The following RBFOX1 variants were observed in gnomAD, a reference collection of about 807,000 sequenced individuals.
RBFOX1 encodes RNA binding fox-1 homolog 1, also known as RNA binding protein fox-1 homolog 1.
RBFOX1 carries 8 observed loss-of-function variants against 57.7 expected under a neutral mutation model. That is an observed-to-expected ratio of 0.14 (90% CI 0.08 to 0.25). The LOEUF (loss-of-function observed/expected upper bound fraction) is 0.25. Ranked by LOEUF, RBFOX1 falls within the 10% of genes least tolerant of loss-of-function variation. The pLI is 1.00. For missense variants in RBFOX1, 611 were observed against 548.5 expected (o/e 1.11, Z -1.14); for synonymous variants, 326 against 222.4 (o/e 1.47, Z -4.15).
chr16:5,559,025 G>A (rs1333796507), intron 2 of RBFOX1, among the ~76,000 whole-genome samples: 1 of 152,090 alleles, frequency 6.6e-6, no homozygotes, highest in Admixed American at 6.6e-5. Context: ...TGAAACCATA[G>A]CAGTTATGCT....
At chr16:6,884,291 G>A (rs1343355094) in intron 3 of RBFOX1, among the ~76,000 whole-genome samples, 1 of 152,156 alleles carries the variant, frequency 6.6e-6, no homozygotes, top group Non-Finnish European at 1.5e-5. Context: ...TGGGTACTGT[G>A]AAGCAACTGC....
chr16:6,463,529 G>T (rs1200691696), intron 2 of RBFOX1, among the ~76,000 whole-genome samples: 1 of 152,090 alleles, frequency 6.6e-6, no homozygotes, highest in Non-Finnish European at 1.5e-5. Context: ...GGGGGTCGGG[G>T]CGGAGTGTAA....
At chr16:7,485,037 G>A (rs982135091) in intron 4 of RBFOX1, among the ~76,000 whole-genome samples, 2 of 146,884 alleles carry the variant, frequency 1.4e-5, no homozygotes, top group African/African-American at 5.1e-5. Flanking sequence ...TTGTATGCAG[G>A]GTTACGTTCC....
At chr16:7,076,061 C>T (rs1211924756) in intron 4 of RBFOX1, among the ~76,000 whole-genome samples, 104 of 121,676 alleles carry the variant, frequency 8.5e-4, no homozygotes, top group African/African-American at 2.3e-3. Flanking sequence ...CTTTTTTTTT[C>T]GAGACGAGTC....
chr16:7,646,464 T>G (rs1389969663), intron 11 of RBFOX1, among the ~76,000 whole-genome samples: 1 of 152,170 alleles, frequency 6.6e-6, no homozygotes, highest in Non-Finnish European at 1.5e-5. Context: ...TCACCCCAAA[T>G]TTGCATGAAT....
At position 6,780,324 on chromosome 16, in the gene RBFOX1, T is replaced by TTATAC. The variant is rs1567215980; in HGVS notation, c.-16+125674_-16+125675insTATAC. 5.0e-3 allele frequency among the ~76,000 whole-genome samples: 395 copies of TTATAC among 79,690 alleles called. 55 individuals carry two copies. Among genetic ancestry groups the TTATAC allele is most frequent in the African/African-American group, 0.022 (368 of 16,750 alleles). The allele number at this position is 79,690 out of a possible 152,430, so 52.3% of individuals were successfully genotyped here. A position where few individuals can be genotyped will look rare whatever the true frequency, so the allele number is the denominator to read the frequency against. On this transcript the variant is annotated intron_variant, in intron 3 of 15. Transcript: ENST00000550418. ...ATACATATATATATTTATTCATATT[T>TTATAC]ATATATATTTATACATATTTATATA...
chr16:7,147,923 A>G (rs1342867460), intron 4 of RBFOX1, among the ~76,000 whole-genome samples: 1 of 152,208 alleles, frequency 6.6e-6, no homozygotes, highest in East Asian at 1.9e-4. Flanking sequence ...GAACTAATTT[A>G]CATTCTCACC....
intron 3 of RBFOX1, among the ~76,000 whole-genome samples, chr16:6,697,968 G>T (rs188800268): frequency 1.3e-5 from 2 of 152,252 alleles, no homozygotes; most frequent in East Asian, 3.9e-4. Context: ...GAGTTGATTG[G>T]TCTATGGTAT....
intron 2 of RBFOX1, among the ~76,000 whole-genome samples, chr16:6,637,009 A>C (rs1382578203): frequency 2.4e-5 from 3 of 122,880 alleles, no homozygotes; most frequent in Non-Finnish European, 4.7e-5. Context: ...AAATATGTAT[A>C]AATATGTGTA....
At chr16:5,627,520 T>A (rs1281816083) in intron 3 of RBFOX1, among the ~76,000 whole-genome samples, 1 of 152,140 alleles carries the variant, frequency 6.6e-6, no homozygotes, top group Non-Finnish European at 1.5e-5. Flanking sequence ...AAATGAATAA[T>A]TTAGGGTTTT....
At chr16:5,263,411 A>G (rs1596333551) in intron 1 of RBFOX1, among the ~76,000 whole-genome samples, 1 of 152,182 alleles carries the variant, frequency 6.6e-6, no homozygotes, top group East Asian at 1.9e-4. Flanking sequence ...GTTTGGGAAC[A>G]CAGGAAAGGA....
chr16:6,583,989 GACA>G (rs1297879760), intron 2 of RBFOX1, among the ~76,000 whole-genome samples: 1 of 139,338 alleles, frequency 7.2e-6, no homozygotes, highest in Non-Finnish European at 1.6e-5. Flanking sequence ...CAATAACAAC[GACA>G]ACAACATTTA....
rs145110563 is a variant in RBFOX1 at position 7,396,416 on chromosome 16, C to G, written c.28-121731C>G. ...TTCTTCTGTTTTTCTCCCTGGATGA[C>G]TCAGGGCATCTTTTCACAGACTCCC... is the stretch of plus-strand genomic sequence containing the variant. On this transcript the variant is annotated intron_variant, in intron 4 of 15. Coordinates refer to ENST00000550418, the MANE Select transcript of RBFOX1 (RefSeq NM_018723.4). Among the ~76,000 whole-genome samples the G allele has an allele frequency of 4.8e-3, 735 of 152,246 alleles. 4 individuals carry two copies. Among genetic ancestry groups the G allele is most frequent in the Non-Finnish European group, 8.0e-3 (545 of 68,016 alleles).
At chr16:7,546,470 A>G (rs548729817) in intron 5 of RBFOX1, among the ~76,000 whole-genome samples, 1 of 152,360 alleles carries the variant, frequency 6.6e-6, no homozygotes, top group East Asian at 1.9e-4. Flanking sequence ...TTAAACCCAT[A>G]TTCAATATAG....
At position 5,523,375 on chromosome 16, in the gene RBFOX1, G is replaced by A. The variant is rs553972380; in HGVS notation, c.258+56121G>A. On this transcript the variant is annotated intron_variant, in intron 2 of 2. Transcript: ENST00000585867. ...TTATGCCTGTAATCCCACACTTTGG[G>A]AGGCTGAGGCGGTTGGATCACTTGA... is the stretch of plus-strand genomic sequence containing the variant. 2.4e-4 allele frequency among the ~76,000 whole-genome samples: 37 copies of A among 152,334 alleles called. No individual in the cohort carries two copies. The South Asian group carries it at 7.5e-3, about 31-fold the overall frequency.
intron 4 of RBFOX1, among the ~76,000 whole-genome samples, chr16:7,183,395 T>A (rs2083113304): frequency 6.6e-6 from 1 of 152,230 alleles, no homozygotes; most frequent in South Asian, 2.1e-4. Context: ...TTACCAGCAC[T>A]TGAGGCCAGT....
chr16:5,861,608 A>G (rs1454046481), intron 3 of RBFOX1, among the ~76,000 whole-genome samples: 1 of 152,180 alleles, frequency 6.6e-6, no homozygotes, highest in African/African-American at 2.4e-5. Flanking sequence ...TAGCTTAGAT[A>G]TCCTTGACGA....
chr16:7,337,905 G>C (rs889688215), intron 4 of RBFOX1, among the ~76,000 whole-genome samples: 4 of 152,136 alleles, frequency 2.6e-5, no homozygotes, highest in African/African-American at 9.7e-5. Context: ...GGCTCATCTT[G>C]AACTCTTGAC....
intron 4 of RBFOX1, among the ~76,000 whole-genome samples, chr16:7,413,944 A>G (rs937092572): frequency 2.6e-5 from 4 of 152,092 alleles, no homozygotes; most frequent in Non-Finnish European, 5.9e-5. Context: ...GCTCATTAGT[A>G]ATTACTTTCC....
Sources: allele counts gnomAD v4.1 joint callset (sites outside exome capture counted in the v4.1 genomes callset), GRCh38; gene constraint gnomAD v4.1.1; transcripts MANE v1.5; gene names NCBI Gene and HGNC (gene_info 2026-07-23, HGNC 2026-07-21).